LRRC27: variants seen among roughly 807,000 people sequenced by gnomAD.
The protein encoded by LRRC27 is leucine rich repeat containing 27, also known as leucine-rich repeat-containing protein 27.
A neutral mutation model predicts 55.0 loss-of-function variants in LRRC27; 57 were observed. That is an observed-to-expected ratio of 1.04 (90% CI 0.84 to 1.29). LRRC27 has a LOEUF of 1.29. LRRC27 is among the 50% of genes most tolerant of loss of function. The pLI is 0.00. For missense variants in LRRC27, 721 were observed against 651.5 expected, an observed-to-expected ratio of 1.11 and a Z score of -1.16; for synonymous variants, 278 against 251.9, an observed-to-expected ratio of 1.10 and a Z score of -0.98.
Position 132,372,424 on chromosome 10 carries a change from C to T in LRRC27, c.1417-2642C>T, listed in dbSNP as rs1020512144. On this transcript the variant is annotated intron_variant, in intron 10 of 10. Coordinates refer to ENST00000368614, the MANE Select transcript of LRRC27 (RefSeq NM_030626.3). The surrounding 1 kb of genome is among the most constrained non-coding windows in gnomAD (Gnocchi z 4.0). Reference sequence around the variant, plus strand: ...TCTACTAAAAATACAAAAAATTAGCCGGGCACAGTGGTGTGCACCTGTAAT... The same window carrying T: ...TCTACTAAAAATACAAAAAATTAGCTGGGCACAGTGGTGTGCACCTGTAAT... Among the ~76,000 whole-genome samples, 26 of 152,252 alleles carry T rather than the reference C, an allele frequency of 1.7e-4. No individual in the cohort carries two copies. Among genetic ancestry groups the T allele is most frequent in the African/African-American group, 5.1e-4 (21 of 41,552 alleles).
chr10:132,352,939 G>T (rs1385281098), intron 7 of LRRC27: 1 of 1,613,932 alleles, frequency 6.2e-7, no homozygotes, highest in Non-Finnish European at 8.5e-7. Flanking sequence ...CATCAGGGAG[G>T]TTCATTCTTG....
intron 2 of LRRC27, among the ~76,000 whole-genome samples, chr10:132,334,532 C>T (rs1262776765): frequency 6.6e-6 from 1 of 152,186 alleles, no homozygotes; most frequent in African/African-American, 2.4e-5. Flanking sequence ...TAAGCCACCG[C>T]ACCTGGCCAG....
chr10:132,352,925 C>A lies in LRRC27; in HGVS notation c.1073+1172C>A, dbSNP rs371885527. The A allele has an allele frequency of 1.1e-5, 17 of 1,613,756 alleles. No homozygotes were observed. The Middle Eastern group carries it at 9.9e-4, about 94-fold the overall frequency. Reference sequence around the variant, plus strand: ...CCCTAGAGTATTCCAGGCCCTGACACGGTCATCAGGGAGGTTCATTCTTGT... The same window carrying A: ...CCCTAGAGTATTCCAGGCCCTGACAAGGTCATCAGGGAGGTTCATTCTTGT... On this transcript the variant is annotated intron_variant, in intron 7 of 10. Coordinates refer to ENST00000368614, the MANE Select transcript of LRRC27 (RefSeq NM_030626.3).
chr10:132,352,687 T>G (rs2068106728), intron 7 of LRRC27, among the ~76,000 whole-genome samples: 1 of 146,802 alleles, frequency 6.8e-6, no homozygotes. Flanking sequence ...GGCCTCCATG[T>G]GGGGCAGGTG....
chr10:132,347,795 C>T lies in LRRC27; in HGVS notation c.554-189C>T, dbSNP rs574133475. On this transcript the variant is annotated intron_variant, in intron 5 of 10. Coordinates refer to ENST00000368614, the MANE Select transcript of LRRC27 (RefSeq NM_030626.3). Reference sequence around the variant, plus strand: ...CTCCATGTGGAACTGCTTTGTGTGCCGCAGCAGGCTGGCGTGGTGCAGGTG... The same window carrying T: ...CTCCATGTGGAACTGCTTTGTGTGCTGCAGCAGGCTGGCGTGGTGCAGGTG... Among the ~76,000 whole-genome samples, 57 of 152,228 alleles carry T rather than the reference C, an allele frequency of 3.7e-4. No individual in the cohort carries two copies. The South Asian group carries it at 9.3e-3, about 25-fold the overall frequency.
In LRRC27 at chr10:132,372,843, G is replaced by A. The variant is rs138644864; in HGVS notation, c.1417-2223G>A. 1.2e-4 allele frequency among the ~76,000 whole-genome samples: 18 copies of A among 152,200 alleles called. No individual in the cohort carries two copies. Among genetic ancestry groups the A allele is most frequent in the African/African-American group, 2.9e-4 (12 of 41,532 alleles). On this transcript the variant is annotated intron_variant, in intron 10 of 10. Transcript: ENST00000368614. This position sits in a 1 kb window ranked among gnomAD's most constrained non-coding sequence, Gnocchi z 4.0. ...CAACCAAGACAGAAGCCACCTGGGC[G>A]TACCCTAGACAGCCCCAGCCTGCAC...
intron 9 of LRRC27, among the ~76,000 whole-genome samples, chr10:132,364,517 T>TTACACCCACCCTTACATCTACCACACC (rs1564853870): frequency 1.2e-4 from 1 of 8,180 alleles, no homozygotes; most frequent in African/African-American, 5.8e-4. Flanking sequence ...ACCTCCACAC[T>TTACACCCACCCTTACATCTACCACACC]CGCACTTACA....
At chr10:132,353,133 T>C in intron 7 of LRRC27, 1 of 1,458,914 alleles carries the variant, frequency 6.9e-7, no homozygotes, top group African/African-American at 1.4e-5. Flanking sequence ...CACTTGGTGG[T>C]TGGCTTTGGC....
rs1029960186 is a variant in LRRC27, at chr10:132,335,536, C to T, written c.210+1802C>T. ...TGGTTGTTGGGTAGGGGCTGTAGGG[C>T]GCAGGTCCCTCCCCCAGATCCTCAT... On this transcript the variant is annotated intron_variant, in intron 2 of 10. Coordinates refer to ENST00000368614, the MANE Select transcript of LRRC27 (RefSeq NM_030626.3). Among the ~76,000 whole-genome samples, 8 of 143,840 alleles carry T rather than the reference C, an allele frequency of 5.6e-5. No homozygotes were observed. The East Asian group carries it at 1.2e-3, about 22-fold the overall frequency. 94.4% of individuals were successfully genotyped at this position (143,840 alleles called of 152,430 possible).
chr10:132,331,923 C>T (rs1403742244), upstream of LRRC27: 39 of 680,350 alleles, frequency 5.7e-5, no homozygotes, highest in Admixed American at 1.9e-4. Flanking sequence ...ACAACCCCCC[C>T]ACCGCAAGCG....
In LRRC27 at chr10:132,380,648, G is replaced by A. The variant is rs1340624806; in HGVS notation, c.*5406G>A. 1.3e-5 allele frequency among the ~76,000 whole-genome samples: 2 copies of A among 152,178 alleles called. No homozygotes were observed. Among genetic ancestry groups the A allele is most frequent in the Non-Finnish European group, 2.9e-5 (2 of 68,042 alleles). On this transcript the variant is annotated 3_prime_UTR_variant, in exon 11 of 11. Transcript: ENST00000368614. ...CACTCAAGCCTGGGCAACAGAGTGA[G>A]ACCCCAACTTGAAAAAAAGGGGACA...
intron 6 of LRRC27, chr10:132,349,168 A>G: frequency 2.5e-6 from 2 of 787,562 alleles, no homozygotes; most frequent in African/African-American, 1.7e-5. Flanking sequence ...AATCTAGATC[A>G]TGCATTCTCA....
intron 5 of LRRC27, 125 bp downstream of exon 5, chr10:132,344,775 T>G: frequency 9.6e-7 from 1 of 1,038,722 alleles, no homozygotes; most frequent in South Asian, 1.5e-5. Context: ...GGTCCTCTGC[T>G]GAGTTGACAC....
intron 10 of LRRC27, among the ~76,000 whole-genome samples, chr10:132,365,916 C>T (rs1329314284): frequency 6.6e-6 from 1 of 152,246 alleles, no homozygotes; most frequent in Non-Finnish European, 1.5e-5. Context: ...ATAAAGAGAA[C>T]TCACTGTGCC....
At chr10:132,336,844 T>C (rs2067157187) in intron 2 of LRRC27, 1 of 747,210 alleles carries the variant, frequency 1.3e-6, no homozygotes, top group Non-Finnish European at 2.4e-6. Context: ...TATAAACAAC[T>C]AGCAGCATTA....
Position 132,348,224 on chromosome 10 carries a change from T to A in LRRC27, c.794T>A (p.Leu265Gln). 1 of 1,614,072 alleles carries A rather than the reference T, an allele frequency of 6.2e-7. No homozygotes were observed. The highest frequency in any genetic ancestry group is 8.5e-7 in the Non-Finnish European group (1 of 1,180,044). Residue 265 changes from leucine (L) to glutamine (Q), a missense_variant, in exon 6 of 11, where the codon CTG becomes CAG. Transcript: ENST00000368614. This position sits in a 1 kb window ranked among gnomAD's most constrained non-coding sequence, Gnocchi z 4.2. ...SEEEIRRFWK[L>Q]RQEIVEHVKA... ...GAGGAGATCAGGCGCTTTTGGAAGC[T>A]GAGGCAGGAGATTGTTGAGCACGTG...
chr10:132,330,366 T>TTTCTTCCATCCC (rs2066628473), upstream of LRRC27: 2 of 696,752 alleles, frequency 2.9e-6, no homozygotes, highest in African/African-American at 3.5e-5. Flanking sequence ...CGTGCTGAAA[T>TTTCTTCCATCCC]CTTCCATCCC....
chr10:132,330,261 C>T (rs2066622676), upstream of LRRC27: 1 of 568,424 alleles, frequency 1.8e-6, no homozygotes, highest in Non-Finnish European at 3.2e-6. Flanking sequence ...CCTGAGGCAA[C>T]AATAACAAGC....
chr10:132,361,734 A>G (rs892041337), intron 9 of LRRC27, 159 bp downstream of exon 9: 1 of 613,370 alleles, frequency 1.6e-6, no homozygotes, highest in Non-Finnish European at 2.9e-6. Context: ...GGTGGGCTCC[A>G]GGGAGAGCCA....
Sources: allele counts gnomAD v4.1 joint callset (sites outside exome capture counted in the v4.1 genomes callset), GRCh38; gene constraint gnomAD v4.1.1; non-coding constraint Gnocchi (gnomAD v3.1); transcripts MANE v1.5; gene names NCBI Gene and HGNC (gene_info 2026-07-23, HGNC 2026-07-21).